The following CEP128 variants were observed in gnomAD, a reference collection of about 807,000 sequenced individuals.
CEP128 encodes the protein centrosomal protein 128kDa.
In CEP128, 132 loss-of-function variants were observed where a neutral mutation model predicts 156.7. The ratio of observed to expected loss-of-function variants is 0.84; its 90% CI spans 0.73 to 0.97. The LOEUF (loss-of-function observed/expected upper bound fraction) is 0.97, where lower values mean the gene tolerates loss of function less well. Ranked by LOEUF, CEP128 falls within the 50% of genes least tolerant of loss-of-function variation. CEP128 has a pLI of 0.00. For missense variants in CEP128, 1,252 were observed against 1,281.9 expected (o/e 0.98, Z 0.36); for synonymous variants, 469 against 448.9 (o/e 1.04, Z -0.57).
At chr14:80,745,373 G>T (rs1899046888) in intron 18 of CEP128, among the ~76,000 whole-genome samples, 1 of 152,082 alleles carries the variant, frequency 6.6e-6, no homozygotes, top group African/African-American at 2.4e-5. Flanking sequence ...CCAGTCTCAG[G>T]TAGTTCTTTG....
At chr14:80,759,877 T>C (rs1016983692) in intron 17 of CEP128, among the ~76,000 whole-genome samples, 1 of 149,908 alleles carries the variant, frequency 6.7e-6, no homozygotes, top group Non-Finnish European at 1.5e-5. Flanking sequence ...ACTGTGTATA[T>C]ATATGCACAT....
chr14:80,554,842 G>T (rs1890362044), intron 21 of CEP128, among the ~76,000 whole-genome samples: 1 of 150,256 alleles, frequency 6.7e-6, no homozygotes, highest in African/African-American at 2.4e-5. Context: ...GTTTTCTTTA[G>T]GTTTTACTCT....
intron 23 of CEP128, among the ~76,000 whole-genome samples, chr14:80,524,702 T>C (rs79504669): frequency 0.067 from 10,262 of 152,272 alleles, 595 homozygotes; most frequent in African/African-American, 0.16. Context: ...TAAATAACTA[T>C]ATTATTTCAG....
intron 19 of CEP128, among the ~76,000 whole-genome samples, chr14:80,698,325 T>A (rs182213851): frequency 8.3e-4 from 127 of 152,134 alleles, no homozygotes; most frequent in African/African-American, 2.9e-3. Flanking sequence ...TATCACCAAG[T>A]AGAATCCCTA....
chr14:80,553,920 T>G (rs1487684730), intron 21 of CEP128, among the ~76,000 whole-genome samples: 1 of 152,204 alleles, frequency 6.6e-6, no homozygotes, highest in Non-Finnish European at 1.5e-5. Context: ...AGTTGTGGAA[T>G]AGCACATCCT....
At chr14:80,574,533 G>T (rs368787838) in intron 20 of CEP128, among the ~76,000 whole-genome samples, 55 of 152,176 alleles carry the variant, frequency 3.6e-4, no homozygotes, top group Middle Eastern at 3.4e-3. Context: ...CTTCCAGGAG[G>T]GTAATTTATT....
chr14:80,889,748 A>G (rs28740223), intron 8 of CEP128, among the ~76,000 whole-genome samples: 2 of 152,218 alleles, frequency 1.3e-5, no homozygotes, highest in Non-Finnish European at 2.9e-5. Flanking sequence ...ACCAAAAGCA[A>G]TGGCAACAAA....
intron 17 of CEP128, 138 bp downstream of exon 17, chr14:80,761,299 C>T (rs1899954726): frequency 8.2e-6 from 5 of 607,458 alleles, no homozygotes; most frequent in African/African-American, 5.6e-5. Flanking sequence ...GCGCCTTATT[C>T]TAAAAAATGC....
At chr14:80,650,512 G>T (rs955745923) in intron 19 of CEP128, among the ~76,000 whole-genome samples, 3 of 152,182 alleles carry the variant, frequency 2.0e-5, no homozygotes, top group Non-Finnish European at 4.4e-5. Flanking sequence ...CAAAGGAAAT[G>T]CTTCCAGTTT....
intron 13 of CEP128, among the ~76,000 whole-genome samples, chr14:80,811,831 T>TAGATAGATAGATAGATAGAC (rs1884569811): frequency 6.6e-6 from 1 of 151,904 alleles, no homozygotes; most frequent in Non-Finnish European, 1.5e-5. Flanking sequence ...GATAGATAGA[T>TAGATAGATAGATAGATAGAC]AGATAGATAG....
chr14:80,901,048 T>C (rs967320627), intron 6 of CEP128, among the ~76,000 whole-genome samples: 1 of 151,632 alleles, frequency 6.6e-6, no homozygotes, highest in East Asian at 1.9e-4. Context: ...CTACTAAAAA[T>C]ACAAAAAATT....
At chr14:80,913,785 C>T (rs764476563) in intron 4 of CEP128, among the ~76,000 whole-genome samples, 6 of 151,844 alleles carry the variant, frequency 4.0e-5, no homozygotes, top group Non-Finnish European at 7.4e-5. Context: ...AGGTTGGGAG[C>T]AGGGTAAAAG....
At position 80,566,619 on chromosome 14, in the gene CEP128, T is replaced by C. The variant is rs1042732843; in HGVS notation, c.2857-7317A>G. 4.6e-5 allele frequency among the ~76,000 whole-genome samples: 7 copies of C among 152,326 alleles called. No individual in the cohort carries two copies. In the East Asian group the frequency reaches 1.2e-3, roughly 25 times the overall value. ...ATACCAAATGCATCTGTGATTTATA[T>C]ATAAAATTGTATGCTATCTATTAAA... On this transcript the variant is annotated intron_variant, in intron 20 of 24. Coordinates refer to ENST00000555265, the MANE Select transcript of CEP128 (RefSeq NM_152446.5).
chr14:80,656,325 A>T (rs57784940), intron 19 of CEP128, among the ~76,000 whole-genome samples: 17 of 24,896 alleles, frequency 6.8e-4, no homozygotes, highest in African/African-American at 1.9e-3. Flanking sequence ...ATATATATAT[A>T]TATATATATA....
chr14:80,625,991 G>A (rs1893702565), intron 19 of CEP128, among the ~76,000 whole-genome samples: 1 of 152,022 alleles, frequency 6.6e-6, no homozygotes, highest in African/African-American at 2.4e-5. Context: ...AATACTAAAT[G>A]GTAACACTGG....
chr14:80,821,269 A>T (rs544468678), intron 13 of CEP128, among the ~76,000 whole-genome samples: 14 of 152,212 alleles, frequency 9.2e-5, no homozygotes, highest in Non-Finnish European at 2.1e-4. Context: ...TATCAAGTTG[A>T]AATCACTCTA....
At chr14:80,721,700 A>G (rs1897823252) in intron 19 of CEP128, among the ~76,000 whole-genome samples, 1 of 152,164 alleles carries the variant, frequency 6.6e-6, no homozygotes, top group Admixed American at 6.5e-5. Flanking sequence ...TGTACATTTT[A>G]AATTAAATCA....
At chr14:80,917,436 A>G (rs1303355500) in intron 2 of CEP128, among the ~76,000 whole-genome samples, 2 of 152,248 alleles carry the variant, frequency 1.3e-5, no homozygotes, top group Non-Finnish European at 2.9e-5. Flanking sequence ...GTGGGTTAAC[A>G]TTATTTTAAG....
chr14:80,740,607 A>G (rs1898782563), intron 19 of CEP128, among the ~76,000 whole-genome samples: 1 of 152,194 alleles, frequency 6.6e-6, no homozygotes, highest in Non-Finnish European at 1.5e-5. Flanking sequence ...GCTAAGACAC[A>G]GGTGTTAACC....
Sources: allele counts gnomAD v4.1 joint callset (sites outside exome capture counted in the v4.1 genomes callset), GRCh38; gene constraint gnomAD v4.1.1; transcripts MANE v1.5; gene names NCBI Gene and HGNC (gene_info 2026-07-23, HGNC 2026-07-21).